Variants in ADAMTSL1 observed in about 807,000 individuals in gnomAD.
ADAMTSL1 encodes ADAMTS like 1.
ADAMTSL1 carries 126 observed loss-of-function variants against 201.8 expected under a neutral mutation model. That is an observed-to-expected ratio of 0.62 (90% confidence interval 0.54 to 0.72). ADAMTSL1 has a LOEUF of 0.72. ADAMTSL1 is among the 30% of genes least tolerant of loss of function. The pLI is 0.00. For missense variants in ADAMTSL1, 2,679 were observed against 2,277.8 expected, an observed-to-expected ratio of 1.18 and a Z score of -3.59; for synonymous variants, 1,121 against 903.4, an observed-to-expected ratio of 1.24 and a Z score of -4.32.
At chr9:18,688,658 T>TAAAAA (rs1270730704) in intron 13 of ADAMTSL1, among the ~76,000 whole-genome samples, 2 of 6,594 alleles carry the variant, frequency 3.0e-4, no homozygotes, top group Non-Finnish European at 6.4e-4. Context: ...ACAGAGCATT[T>TAAAAA]CAAAAAAAAA....
At chr9:18,126,143 A>C (rs1210507050) in intron 1 of ADAMTSL1, among the ~76,000 whole-genome samples, 1 of 152,208 alleles carries the variant, frequency 6.6e-6, no homozygotes. Flanking sequence ...GATTCTGGTA[A>C]GTATTAAATT....
At chr9:17,967,746 G>T (rs1411625229) in intron 1 of ADAMTSL1, among the ~76,000 whole-genome samples, 1 of 151,940 alleles carries the variant, frequency 6.6e-6, no homozygotes, top group Non-Finnish European at 1.5e-5. Flanking sequence ...TATTGAGGAT[G>T]GTAACTGCTT....
intron 4 of ADAMTSL1, among the ~76,000 whole-genome samples, chr9:18,583,608 C>T (rs1317808373): frequency 6.6e-6 from 1 of 152,158 alleles, no homozygotes; most frequent in East Asian, 1.9e-4. Context: ...AATGGTAGAT[C>T]CACTGACAGC....
intron 1 of ADAMTSL1, among the ~76,000 whole-genome samples, chr9:18,144,084 C>G (rs1826519335): frequency 6.6e-6 from 1 of 152,128 alleles, no homozygotes; most frequent in African/African-American, 2.4e-5. Context: ...GGAACTCTCT[C>G]CTGATTTTGA....
chr9:18,229,558 G>A (rs899855714), intron 2 of ADAMTSL1, among the ~76,000 whole-genome samples: 5 of 152,026 alleles, frequency 3.3e-5, no homozygotes, highest in African/African-American at 7.2e-5. Context: ...TACGAGCTCA[G>A]TGACTTTTTG....
intron 1 of ADAMTSL1, among the ~76,000 whole-genome samples, chr9:18,030,824 C>A (rs1161708102): frequency 6.6e-6 from 1 of 152,122 alleles, no homozygotes; most frequent in Non-Finnish European, 1.5e-5. Flanking sequence ...GATCTCTTTA[C>A]ATAATCCCAT....
intron 15 of ADAMTSL1, among the ~76,000 whole-genome samples, chr9:18,732,430 G>A (rs914074173): frequency 6.6e-6 from 1 of 152,156 alleles, no homozygotes; most frequent in East Asian, 1.9e-4. Context: ...CCAATAAGGT[G>A]TGTTTTGTAA....
chr9:18,796,155 T>G (rs146138744), intron 20 of ADAMTSL1, among the ~76,000 whole-genome samples: 21 of 152,358 alleles, frequency 1.4e-4, no homozygotes, highest in Middle Eastern at 6.8e-3. Flanking sequence ...AAAAGACATG[T>G]AGAGCTTTTA....
rs760377261 is a variant in ADAMTSL1 at position 18,795,514 on chromosome 9, C to A, written c.3795C>A (p.Val1265=). The A allele has an allele frequency of 2.5e-6, 4 of 1,611,900 alleles. No homozygotes were observed. The highest frequency in any genetic ancestry group is 1.7e-5 in the Admixed American group (1 of 59,638). ...ALGYDSVSIA[V]TLAGKPLVKT... Reference sequence around the variant, plus strand: ...GATACGACTCTGTCTCCATTGCCGTCACATTAGCAGGTAACCCAAAAATCC... The same window carrying A: ...GATACGACTCTGTCTCCATTGCCGTAACATTAGCAGGTAACCCAAAAATCC... Residue 1265 remains valine, a synonymous_variant, in exon 20 of 29, where the codon GTC becomes GTA. Transcript: ENST00000380548.
At chr9:18,379,847 C>T (rs1404325586) in intron 2 of ADAMTSL1, among the ~76,000 whole-genome samples, 2 of 152,120 alleles carry the variant, frequency 1.3e-5, no homozygotes. Context: ...GCAGCATTTC[C>T]CATTTTTACA....
intron 14 of ADAMTSL1, among the ~76,000 whole-genome samples, chr9:18,709,221 T>C (rs1037584208): frequency 3.3e-5 from 5 of 152,238 alleles, no homozygotes; most frequent in Non-Finnish European, 5.9e-5. Flanking sequence ...GTCCATATGA[T>C]GCCCATATGC....
chr9:18,534,976 C>T (rs1819670104), intron 3 of ADAMTSL1, among the ~76,000 whole-genome samples: 1 of 152,188 alleles, frequency 6.6e-6, no homozygotes, highest in African/African-American at 2.4e-5. Context: ...CCAGGAAGGT[C>T]TCTGACATGA....
intron 13 of ADAMTSL1, among the ~76,000 whole-genome samples, chr9:18,696,879 A>G (rs965484977): frequency 3.4e-5 from 5 of 148,434 alleles, no homozygotes; most frequent in Non-Finnish European, 5.9e-5. Flanking sequence ...TATTATTATT[A>G]TTATTATTAT....
intron 26 of ADAMTSL1, among the ~76,000 whole-genome samples, chr9:18,894,070 G>A (rs967156111): frequency 1.4e-4 from 22 of 152,232 alleles, no homozygotes; most frequent in African/African-American, 5.1e-4. Context: ...AAATAGAAAT[G>A]TGGCCTGGAA....
At chr9:18,779,523 G>A (rs1161252433) in intron 19 of ADAMTSL1, among the ~76,000 whole-genome samples, 2 of 152,192 alleles carry the variant, frequency 1.3e-5, no homozygotes, top group Admixed American at 6.5e-5. Context: ...AGGGACAGAG[G>A]TTGGACCCAC....
intron 1 of ADAMTSL1, among the ~76,000 whole-genome samples, chr9:18,061,650 G>C (rs1343426567): frequency 5.9e-5 from 9 of 152,184 alleles, no homozygotes; most frequent in Admixed American, 3.3e-4. Flanking sequence ...CTGGGATTTT[G>C]CTATGTGCAG....
intron 4 of ADAMTSL1, among the ~76,000 whole-genome samples, chr9:18,585,027 G>C (rs1194008423): frequency 6.6e-6 from 1 of 152,098 alleles, no homozygotes; most frequent in Non-Finnish European, 1.5e-5. Flanking sequence ...TTTCTATGAA[G>C]CACCTCAAAA....
chr9:18,237,890 T>C (rs776737601), intron 2 of ADAMTSL1, among the ~76,000 whole-genome samples: 1 of 152,256 alleles, frequency 6.6e-6, no homozygotes, highest in Non-Finnish European at 1.5e-5. Flanking sequence ...CTAAAAATCA[T>C]GATTATTCCT....
intron 14 of ADAMTSL1, among the ~76,000 whole-genome samples, chr9:18,719,937 G>A (rs1461529356): frequency 6.6e-6 from 1 of 152,166 alleles, no homozygotes; most frequent in Admixed American, 6.5e-5. Flanking sequence ...GGCAATATAT[G>A]TGTATTTATG....
Sources: gnomAD v4.1 joint callset for allele counts (sites outside exome capture counted in the v4.1 genomes callset) on GRCh38, gnomAD v4.1.1 for gene constraint, MANE v1.5 for transcripts, NCBI Gene and HGNC (gene_info 2026-07-23, HGNC 2026-07-21) for gene names.